Variants in LARGE1 observed in about 807,000 individuals in gnomAD.
The protein encoded by LARGE1 is xylosyl- and glucuronyltransferase LARGE1.
LARGE1 carries 43 observed loss-of-function variants against 87.6 expected under a neutral mutation model. The observed-to-expected ratio is 0.49, with a 90% confidence interval of 0.38 to 0.63. The LOEUF (loss-of-function observed/expected upper bound fraction) is 0.63, where lower values mean the gene tolerates loss of function less well. Among genes scored for constraint, LARGE1 ranks in the 30% least tolerant of loss-of-function variants. The probability of loss-of-function intolerance (pLI) is 0.00; values close to 1 mark genes in which losing one functional copy is unlikely to be tolerated. For missense variants in LARGE1, 802 were observed against 1,000.2 expected, an observed-to-expected ratio of 0.80 and a Z score of 2.67; for synonymous variants, 434 against 394.6, an observed-to-expected ratio of 1.10 and a Z score of -1.18.
chr22:33,493,275 C>T (rs1371167015), intron 6 of LARGE1, among the ~76,000 whole-genome samples: 1 of 151,460 alleles, frequency 6.6e-6, no homozygotes. Flanking sequence ...ATTCTCCTGC[C>T]TCAGCCTCCC....
At chr22:33,182,842 C>A (rs60316946) in intron 11 of LARGE1, among the ~76,000 whole-genome samples, 23,256 of 152,102 alleles carry the variant, frequency 0.15, 1,884 homozygotes, top group South Asian at 0.32. Flanking sequence ...AAGTGTAACA[C>A]CTGAAACCAT....
intron 12 of LARGE1, among the ~76,000 whole-genome samples, chr22:33,302,774 C>T (rs764601636): frequency 5.3e-5 from 8 of 152,126 alleles, no homozygotes; most frequent in South Asian, 2.1e-4. Flanking sequence ...AGCAGGGTGA[C>T]GGGCAGACCT....
chr22:33,700,846 C>G (rs530083780), intron 2 of LARGE1, among the ~76,000 whole-genome samples: 1 of 152,102 alleles, frequency 6.6e-6, no homozygotes, highest in African/African-American at 2.4e-5. Flanking sequence ...GTTTAGGTAC[C>G]TTTTAAGCTT....
intron 2 of LARGE1, among the ~76,000 whole-genome samples, chr22:33,722,690 C>T (rs2083144904): frequency 6.6e-6 from 1 of 151,844 alleles, no homozygotes; most frequent in South Asian, 2.1e-4. Flanking sequence ...AATGGCAAGA[C>T]CAAAGACAGA....
At chr22:33,296,660 C>G (rs142745574) in intron 12 of LARGE1, among the ~76,000 whole-genome samples, 2 of 151,454 alleles carry the variant, frequency 1.3e-5, no homozygotes, top group African/African-American at 4.9e-5. Context: ...TGTCTGCCTC[C>G]GAGGTTCAAG....
intron 1 of LARGE1, among the ~76,000 whole-genome samples, chr22:33,896,222 A>G (rs1350486154): frequency 6.6e-6 from 1 of 152,226 alleles, no homozygotes; most frequent in African/African-American, 2.4e-5. Context: ...TTAACTCAGC[A>G]TCATGTCCTC....
At chr22:33,346,273 TTCTTTCC>T (rs1490149242) in intron 9 of LARGE1, among the ~76,000 whole-genome samples, 7 of 144,332 alleles carry the variant, frequency 4.8e-5, no homozygotes, top group Middle Eastern at 3.2e-3. Context: ...CTCTCTCTCT[TTCTTTCC>T]TCCTCCTCCT....
At chr22:33,079,043 C>T in the LARGE1 span, among the ~76,000 whole-genome samples, 1 of 152,096 alleles carries the variant, frequency 6.6e-6, no homozygotes, top group Non-Finnish European at 1.5e-5. Context: ...CCTGGCTCTA[C>T]TTGGTGTCAG....
chr22:33,289,017 G>C (rs1040788505), intron 12 of LARGE1, among the ~76,000 whole-genome samples: 1 of 152,048 alleles, frequency 6.6e-6, no homozygotes, highest in African/African-American at 2.4e-5. Context: ...GGAGTGCGGT[G>C]GTGCGATCTC....
chr22:33,463,970 G>A (rs899013912), intron 6 of LARGE1, among the ~76,000 whole-genome samples: 26 of 152,050 alleles, frequency 1.7e-4, no homozygotes, highest in African/African-American at 5.6e-4. Context: ...CACTGCACCC[G>A]TTTTATTTAC....
At chr22:33,537,386 C>A (rs945127798) in intron 6 of LARGE1, among the ~76,000 whole-genome samples, 1 of 152,170 alleles carries the variant, frequency 6.6e-6, no homozygotes, top group Non-Finnish European at 1.5e-5. Context: ...GTACATCACT[C>A]CAATCTCTGC....
intron 1 of LARGE1, among the ~76,000 whole-genome samples, chr22:33,766,711 C>T (rs958526904): frequency 6.6e-6 from 1 of 151,808 alleles, no homozygotes; most frequent in Non-Finnish European, 1.5e-5. Context: ...AAGCATGAGC[C>T]ACCATGCCTG....
intron 2 of LARGE1, among the ~76,000 whole-genome samples, chr22:33,668,880 GC>G (rs1254744819): frequency 2.0e-5 from 3 of 152,182 alleles, no homozygotes; most frequent in Non-Finnish European, 2.9e-5. Flanking sequence ...GTATGTAATG[GC>G]GTAAAAAGAT....
chr22:33,466,449 C>T (rs1407268160), intron 6 of LARGE1, among the ~76,000 whole-genome samples: 3 of 150,430 alleles, frequency 2.0e-5, no homozygotes, highest in Non-Finnish European at 4.4e-5. Flanking sequence ...ATTTCTAGGA[C>T]CTGGTGGGAA....
At chr22:33,422,989 C>T (rs930944331) in intron 7 of LARGE1, among the ~76,000 whole-genome samples, 2 of 145,224 alleles carry the variant, frequency 1.4e-5, no homozygotes, top group Admixed American at 1.4e-4. Context: ...ACACTACTTA[C>T]GGGATATTTT....
At chr22:33,524,464 G>C (rs185264275) in intron 6 of LARGE1, among the ~76,000 whole-genome samples, 9 of 152,128 alleles carry the variant, frequency 5.9e-5, no homozygotes, top group African/African-American at 2.2e-4. Flanking sequence ...AGGATCAGAT[G>C]CATAATTTGT....
At chr22:33,529,055 T>G (rs568733935) in intron 6 of LARGE1, among the ~76,000 whole-genome samples, 1 of 152,218 alleles carries the variant, frequency 6.6e-6, no homozygotes, top group South Asian at 2.1e-4. Flanking sequence ...ACACGTGGAA[T>G]AGCACTTTTT....
At chr22:33,108,564 T>C in the LARGE1 span, 1 of 151,786 alleles carries the variant, frequency 6.6e-6, no homozygotes, top group Non-Finnish European at 1.5e-5. Context: ...GGATGGGGGT[T>C]GGGGGATGGA....
Position 33,353,825 on chromosome 22 carries a change from C to T in LARGE1, c.1132-16024G>A, listed in dbSNP as rs1376811408. On this transcript the variant is annotated intron_variant, in intron 9 of 14. Coordinates refer to ENST00000397394, the MANE Select transcript of LARGE1 (RefSeq NM_133642.5). ...GAATTATGGAGTAAGGTCACAGAGT[C>T]AGCACCATGCAATGAATTCCTTGAC... is the stretch of plus-strand genomic sequence containing the variant. 3.3e-5 allele frequency among the ~76,000 whole-genome samples: 5 copies of T among 152,220 alleles called. No homozygotes were observed. In the East Asian group the frequency reaches 9.6e-4, roughly 29 times the overall value.
Sources: allele counts gnomAD v4.1 joint callset (sites outside exome capture counted in the v4.1 genomes callset), GRCh38; gene constraint gnomAD v4.1.1; transcripts MANE v1.5; gene names NCBI Gene and HGNC (gene_info 2026-07-23, HGNC 2026-07-21).